The following SVIL variants were observed in gnomAD, a reference collection of about 807,000 sequenced individuals.
The protein encoded by SVIL is archvillin.
SVIL carries 101 observed loss-of-function variants against 240.4 expected under a neutral mutation model. That is an observed-to-expected ratio of 0.42 (90% CI 0.36 to 0.50). The LOEUF is 0.50. Among genes scored for constraint, SVIL ranks in the 20% least tolerant of loss-of-function variants. SVIL has a pLI of 0.01. For synonymous variants in SVIL, 999 were observed against 1,100.0 expected, an observed-to-expected ratio of 0.91 and a Z score of 1.82; for missense variants, 2,512 against 2,818.7, an observed-to-expected ratio of 0.89 and a Z score of 2.46.
At chr10:29,660,568 A>T (rs1430209293) in intron 2 of SVIL, among the ~76,000 whole-genome samples, 1 of 152,052 alleles carries the variant, frequency 6.6e-6, no homozygotes, top group Non-Finnish European at 1.5e-5. Flanking sequence ...TGGTCTCACC[A>T]CTGCACTCCA....
intron 2 of SVIL, among the ~76,000 whole-genome samples, chr10:29,662,208 C>T (rs1161195868): frequency 6.6e-6 from 1 of 152,184 alleles, no homozygotes; most frequent in Non-Finnish European, 1.5e-5. Flanking sequence ...TAGGCACTTC[C>T]TCCCCGGTCT....
intron 1 of SVIL, among the ~76,000 whole-genome samples, chr10:29,704,914 T>C (rs1342516372): frequency 6.6e-6 from 1 of 152,088 alleles, no homozygotes; most frequent in Non-Finnish European, 1.5e-5. Context: ...CCTACTACAT[T>C]TAAAGAAGCA....
intron 29 of SVIL, among the ~76,000 whole-genome samples, chr10:29,477,706 G>A (rs1448673598): frequency 2.1e-4 from 32 of 152,352 alleles, no homozygotes; most frequent in Admixed American, 2.0e-3. Flanking sequence ...TGGAGGGATG[G>A]TCTGGAATCT....
rs147026044 is a variant in SVIL at position 29,625,964 on chromosome 10, A to G, written c.-201+8456T>C. On this transcript the variant is annotated intron_variant, in intron 1 of 37. Transcript: ENST00000355867. ...CACAAATGCAAATTGTATATACTCA[A>G]GGTGTGCAGCATGATGTTTTGATAT... Among the ~76,000 whole-genome samples, 287 of 152,298 alleles carry G rather than the reference A, an allele frequency of 1.9e-3. 1 individual carries two copies. The highest frequency in any genetic ancestry group is 6.6e-3 in the African/African-American group (275 of 41,558).
At position 29,532,905 on chromosome 10, in the gene SVIL, C is replaced by G; in HGVS notation, c.1462G>C (p.Glu488Gln). 1 of 1,614,150 alleles carries G rather than the reference C, an allele frequency of 6.2e-7. No individual in the cohort carries two copies. The highest frequency in any genetic ancestry group is 1.3e-5 in the African/African-American group (1 of 75,044). The stretch of plus-strand genomic sequence containing the variant: ...ACGTTTTCCAGTTCCTTCTGATGCT[C>G]TAAGGTGACTGTGCTCACAGCAGGC... ...GKPAVSTVTL[E>Q]HQKELENVAQ... Residue 488 changes from glutamate (E) to glutamine (Q), a missense_variant, in exon 8 of 38, where the codon GAG (glutamate) becomes CAG (glutamine). By Grantham distance (29) the Glu-to-Gln change is conservative. This residue lies in a region of SVIL where 1,443 missense variants were observed against 1,486.6 expected (regional missense o/e 0.97). Transcript: ENST00000355867.
At chr10:29,598,574 T>C (rs1418638764) in intron 1 of SVIL, among the ~76,000 whole-genome samples, 1 of 152,180 alleles carries the variant, frequency 6.6e-6, no homozygotes, top group African/African-American at 2.4e-5. Context: ...ATGACCAACC[T>C]GAGCTGCAAA....
chr10:29,475,876 T>C (rs554994384), intron 29 of SVIL, among the ~76,000 whole-genome samples: 2 of 152,346 alleles, frequency 1.3e-5, no homozygotes, highest in East Asian at 3.9e-4. Context: ...GTATTGAGGT[T>C]TGAAGGGAAG....
Position 29,563,243 on chromosome 10 carries a change from C to T in SVIL, c.-93G>A. 2 of 985,782 alleles carry T rather than the reference C, an allele frequency of 2.0e-6. No homozygotes were observed. The highest frequency in any genetic ancestry group is 1.2e-6 in the Non-Finnish European group (1 of 829,900). The allele number at this position is 985,782 out of a possible 1,614,324, so 61.1% of individuals were successfully genotyped here. On this transcript the variant is annotated 5_prime_UTR_variant, in exon 3 of 38. Transcript: ENST00000355867. The stretch of plus-strand genomic sequence containing the variant: ...AAAAGCTGAGCATCGATTCCTCTTT[C>T]GTGGTTAGCGAGCTGTTCTTTATCT...
At chr10:29,727,743 A>C (rs1232941225) in intron 1 of SVIL, among the ~76,000 whole-genome samples, 919 of 57,512 alleles carry the variant, frequency 0.016, 10 homozygotes, top group African/African-American at 0.043. Flanking sequence ...GTGAACACAA[A>C]AAAAAAAAAA....
intron 2 of SVIL, among the ~76,000 whole-genome samples, chr10:29,678,696 TAAG>T (rs1288579232): frequency 6.6e-6 from 1 of 152,190 alleles, no homozygotes; most frequent in Non-Finnish European, 1.5e-5. Context: ...CTAGCCTGAG[TAAG>T]AAGAATCAAC....
At chr10:29,462,239 G>A (rs771150005) in intron 36 of SVIL, 38 bp downstream of exon 36, 32 of 1,605,360 alleles carry the variant, frequency 2.0e-5, no homozygotes, top group East Asian at 1.6e-4. Flanking sequence ...TCCAAAAGGC[G>A]CAGGAGCCAC....
intron 3 of SVIL, among the ~76,000 whole-genome samples, chr10:29,656,031 C>A (rs746014727): frequency 6.9e-6 from 1 of 145,126 alleles, no homozygotes; most frequent in Non-Finnish European, 1.5e-5. Context: ...GCACCACGCC[C>A]AGCTAATTTT....
intron 30 of SVIL, among the ~76,000 whole-genome samples, chr10:29,471,661 C>G (rs937882407): frequency 6.6e-6 from 1 of 152,178 alleles, no homozygotes; most frequent in African/African-American, 2.4e-5. Context: ...GGTAATAATT[C>G]TAGGGAAAAT....
intron 1 of SVIL, among the ~76,000 whole-genome samples, chr10:29,573,245 A>AT (rs1264774871): frequency 1.3e-5 from 2 of 151,640 alleles, no homozygotes; most frequent in Non-Finnish European, 2.9e-5. Flanking sequence ...TCCAGTACAC[A>AT]TTTTTTTTAA....
At chr10:29,694,626 A>C (rs1428132577) in intron 1 of SVIL, among the ~76,000 whole-genome samples, 2 of 151,992 alleles carry the variant, frequency 1.3e-5, no homozygotes, top group East Asian at 3.9e-4. Flanking sequence ...TATCCAGCTA[A>C]TTTTTGTATT....
intron 1 of SVIL, among the ~76,000 whole-genome samples, chr10:29,697,080 C>T (rs1357894180): frequency 7.7e-6 from 1 of 129,832 alleles, no homozygotes; most frequent in African/African-American, 3.0e-5. Flanking sequence ...TCTGCCCGGC[C>T]ACCCCTACTG....
chr10:29,651,334 A>C (rs768377309), intron 3 of SVIL, among the ~76,000 whole-genome samples: 2 of 152,160 alleles, frequency 1.3e-5, no homozygotes, highest in Non-Finnish European at 2.9e-5. Context: ...ACAGGTGCCA[A>C]ATTGTCTCCA....
intron 1 of SVIL, among the ~76,000 whole-genome samples, chr10:29,688,568 T>C (rs570041543): frequency 9.8e-5 from 15 of 152,370 alleles, no homozygotes; most frequent in African/African-American, 3.4e-4. Context: ...TTTGCCTTAG[T>C]TTGTTTCTTC....
rs187689013 is a variant in SVIL at position 29,695,283 on chromosome 10, G to T, written c.-399-8632C>A. Among the ~76,000 whole-genome samples, 16 of 152,180 alleles carry T rather than the reference G, an allele frequency of 1.1e-4. No individual in the cohort carries two copies. The East Asian group carries it at 3.1e-3, about 29-fold the overall frequency. On this transcript the variant is annotated intron_variant, in intron 1 of 35. Coordinates refer to the SVIL transcript ENST00000375400. Reference sequence around the variant, plus strand: ...CACCTTGACGTCTCCTATGAGAAGGGGTAGTGGGAGTGAGGGATGAAAAAG... The same window carrying T: ...CACCTTGACGTCTCCTATGAGAAGGTGTAGTGGGAGTGAGGGATGAAAAAG...
Sources: gnomAD v4.1 joint callset for allele counts (sites outside exome capture counted in the v4.1 genomes callset) on GRCh38, gnomAD v4.1.1 for gene constraint, gnomAD v4.1.1 regional missense constraint, MANE v1.5 for transcripts, NCBI Gene and HGNC (gene_info 2026-07-23, HGNC 2026-07-21) for gene names.